WNK2: variants seen among roughly 807,000 people sequenced by gnomAD.
The protein encoded by WNK2 is WNK lysine deficient protein kinase 2, also known as serine/threonine-protein kinase WNK2.
Under a neutral mutation model 192.1 loss-of-function variants are expected in WNK2, and 67 were observed. The observed-to-expected ratio is 0.35, with a 90% CI of 0.29 to 0.43. WNK2 has a LOEUF of 0.43. Ranked by LOEUF, WNK2 falls within the 20% of genes least tolerant of loss-of-function variation. The pLI is 1.00. For synonymous variants in WNK2, 1,439 were observed against 1,393.9 expected, an observed-to-expected ratio of 1.03 and a Z score of -0.72; for missense variants, 2,698 against 3,089.7, an observed-to-expected ratio of 0.87 and a Z score of 3.01.
chr9:93,227,493 T>A (rs912632300), intron 2 of WNK2, among the ~76,000 whole-genome samples: 3 of 152,142 alleles, frequency 2.0e-5, no homozygotes, highest in Admixed American at 2.0e-4. Flanking sequence ...TCCCAGCGAC[T>A]GATGATGCTC....
At chr9:93,231,408 T>A (rs1000933757) in intron 4 of WNK2, among the ~76,000 whole-genome samples, 2 of 152,184 alleles carry the variant, frequency 1.3e-5, no homozygotes, top group Non-Finnish European at 2.9e-5. Context: ...GGTCTTTGTG[T>A]TTCCCTCCGT....
chr9:93,301,680 T>TG (rs776454179), intron 26 of WNK2, among the ~76,000 whole-genome samples: 8 of 152,178 alleles, frequency 5.3e-5, no homozygotes, highest in Non-Finnish European at 1.0e-4. Flanking sequence ...GTGCCTCACT[T>TG]GCTGCTCCTC....
chr9:93,204,344 G>T (rs769317552), intron 2 of WNK2, among the ~76,000 whole-genome samples: 6 of 152,210 alleles, frequency 3.9e-5, no homozygotes, highest in Non-Finnish European at 5.9e-5. Context: ...CAGCCGCATG[G>T]AATGGAGAAA....
intron 9 of WNK2, among the ~76,000 whole-genome samples, chr9:93,255,644 C>T (rs1304085071): frequency 6.6e-6 from 1 of 152,208 alleles, no homozygotes; most frequent in African/African-American, 2.4e-5. Context: ...CTCTGTAGCC[C>T]TGCCTGCTCC....
intron 26 of WNK2, among the ~76,000 whole-genome samples, chr9:93,302,296 G>A (rs1851742366): frequency 6.6e-6 from 1 of 152,160 alleles, no homozygotes; most frequent in South Asian, 2.1e-4. Flanking sequence ...AGGGAGGGTT[G>A]CAGGCAGGGG....
intron 27 of WNK2, chr9:93,308,071 G>A: frequency 1.6e-6 from 1 of 609,648 alleles, no homozygotes; most frequent in East Asian, 3.0e-5. Context: ...GAGGCTGCCG[G>A]CTGCTGCAGA....
chr9:93,226,040 G>C (rs771404255), intron 2 of WNK2, among the ~76,000 whole-genome samples: 1 of 152,210 alleles, frequency 6.6e-6, no homozygotes, highest in African/African-American at 2.4e-5. Flanking sequence ...GTCTGAAAAC[G>C]AGTCTGGACC....
intron 2 of WNK2, among the ~76,000 whole-genome samples, chr9:93,216,559 G>A (rs1835775342): frequency 6.6e-6 from 1 of 152,036 alleles, no homozygotes; most frequent in African/African-American, 2.4e-5. Context: ...CTGGGAGGTC[G>A]AGGCTGCAGT....
In WNK2 at chr9:93,262,653, C is replaced by G; in HGVS notation, c.3361-17C>G. On this transcript the variant is annotated splice_polypyrimidine_tract_variant and intron_variant, in intron 13 of 29. Coordinates refer to ENST00000427277, the MANE Select transcript of WNK2 (RefSeq NM_006648.4). ...GTCCGCATGACCTGTTCTCTTTTCT[C>G]CGGGTGTTTATTTCAGGAGCAGGCC... The G allele has an allele frequency of 6.2e-7, 1 of 1,612,672 alleles. No homozygotes were observed. The highest frequency in any genetic ancestry group is 2.2e-5 in the East Asian group (1 of 44,886).
rs777244350 is a variant in WNK2, at chr9:93,293,167, G to T, written c.5702G>T (p.Arg1901Leu). Reference sequence around the variant, plus strand: ...ATAAAGAAGGAGCTGCAGAGTCTGCGGGAGAAGTAGGTCCTGCGGGCAGGA... The same window carrying T: ...ATAAAGAAGGAGCTGCAGAGTCTGCTGGAGAAGTAGGTCCTGCGGGCAGGA... ...ADIKKELQSL[R>L]EKHLKEISEL... Residue 1901 changes from arginine to leucine, a missense_variant, in exon 23 of 30, where the codon CGG becomes CTG. Arg to Leu is a moderately radical substitution (Grantham distance 102). This residue lies in a region of WNK2 where 1,098 missense variants were observed against 1,101.0 expected (regional missense o/e 1.00). Coordinates refer to ENST00000427277, the MANE Select transcript of WNK2 (RefSeq NM_006648.4). 6.6e-7 allele frequency: 1 copy of T among 1,505,190 alleles called. No individual in the cohort carries two copies. Among genetic ancestry groups the T allele is most frequent in the Admixed American group, 2.2e-5 (1 of 45,884 alleles). 93.2% of individuals were successfully genotyped at this position (1,505,190 alleles called of 1,614,324 possible).
At position 93,192,905 on chromosome 9, in the gene WNK2, G is replaced by C. The variant is rs564973618; in HGVS notation, c.681+7295G>C. Among the ~76,000 whole-genome samples the C allele has an allele frequency of 4.6e-5, 7 of 152,284 alleles. No individual in the cohort carries two copies. In the South Asian group the frequency reaches 1.5e-3, roughly 32 times the overall value. On this transcript the variant is annotated intron_variant, in intron 2 of 29. Transcript: ENST00000427277. ...CAGCTGGGAGCTGCAGCCCTTCTAT[G>C]CCCATAGTCATCTTGTAGGTGTCTC...
rs778725047 is a variant in WNK2, at chr9:93,261,980, C to T, written c.3233C>T (p.Ala1078Val). Residue 1078 changes from alanine to valine, a missense_variant, in exon 13 of 30, where the codon GCC becomes GTC. Coordinates refer to ENST00000427277, the MANE Select transcript of WNK2 (RefSeq NM_006648.4). ...QFPSSLATVS[A>V]SVQSVPTQTA... is the part of the protein sequence containing the mutation. ...CCCAGCTCCCTGGCCACGGTGTCTGCCTCTGTGCAGAGTGTGCCCACCCAG... is the reference window on the plus strand; with the variant it reads ...CCCAGCTCCCTGGCCACGGTGTCTGTCTCTGTGCAGAGTGTGCCCACCCAG... The T allele has an allele frequency of 1.2e-6, 2 of 1,612,006 alleles. No individual in the cohort carries two copies. The highest frequency in any genetic ancestry group is 2.2e-5 in the South Asian group (2 of 91,008).
chr9:93,246,386 T>G (rs950388534), intron 7 of WNK2, among the ~76,000 whole-genome samples: 3 of 152,182 alleles, frequency 2.0e-5, no homozygotes, highest in Admixed American at 6.5e-5. Context: ...TCCCAGGCCC[T>G]CCTGGTGAAC....
At chr9:93,314,514 G>A (rs1322617061) in intron 28 of WNK2, among the ~76,000 whole-genome samples, 1 of 151,698 alleles carries the variant, frequency 6.6e-6, no homozygotes, top group Non-Finnish European at 1.5e-5. Context: ...AGAAATACAC[G>A]CTTTTTTCTT....
At chr9:93,201,274 T>A (rs2131258174) in intron 2 of WNK2, among the ~76,000 whole-genome samples, 1 of 152,366 alleles carries the variant, frequency 6.6e-6, no homozygotes, top group African/African-American at 2.4e-5. Flanking sequence ...CTGTCTGGGC[T>A]GAGACTGTTC....
chr9:93,304,488 C>T, intron 26 of WNK2, among the ~76,000 whole-genome samples: 1 of 152,290 alleles, frequency 6.6e-6, no homozygotes, highest in East Asian at 1.9e-4. Flanking sequence ...GCCGCCTCTT[C>T]CTGGGCCTGG....
chr9:93,202,280 G>A (rs1019871804), intron 2 of WNK2, among the ~76,000 whole-genome samples: 4 of 151,976 alleles, frequency 2.6e-5, no homozygotes, highest in African/African-American at 9.7e-5. Flanking sequence ...GCTGCGTGTG[G>A]GGACCTGGTA....
intron 5 of WNK2, among the ~76,000 whole-genome samples, chr9:93,235,573 C>CCA (rs1348467522): frequency 6.6e-6 from 1 of 152,222 alleles, no homozygotes. Flanking sequence ...TGTGGTGGCC[C>CCA]CACTGGGTGG....
intron 9 of WNK2, among the ~76,000 whole-genome samples, chr9:93,253,313 G>C (rs1842851138): frequency 6.6e-6 from 1 of 151,786 alleles, no homozygotes; most frequent in Non-Finnish European, 1.5e-5. Flanking sequence ...TGGCCGAGTA[G>C]CCCTGACATT....
Sources: gnomAD v4.1 joint callset for allele counts (sites outside exome capture counted in the v4.1 genomes callset) on GRCh38, gnomAD v4.1.1 for gene constraint, gnomAD v4.1.1 regional missense constraint, MANE v1.5 for transcripts, NCBI Gene and HGNC (gene_info 2026-07-23, HGNC 2026-07-21) for gene names.